The following OPA3 variants were observed in gnomAD, a reference collection of about 807,000 sequenced individuals.
OPA3 encodes outer mitochondrial membrane lipid metabolism regulator OPA3.
OPA3 carries 6 observed loss-of-function variants against 4.0 expected under a neutral mutation model. That is an observed-to-expected ratio of 1.51 (90% CI 0.83 to 2.99). The LOEUF (loss-of-function observed/expected upper bound fraction) is 2.99, where lower values mean the gene tolerates loss of function less well. Among genes scored for constraint, OPA3 ranks in the 30% most tolerant of loss-of-function variants. The pLI is 0.00. For missense variants in OPA3, 235 were observed against 256.2 expected (o/e 0.92, Z 0.56); for synonymous variants, 105 against 117.1 (o/e 0.90, Z 0.67).
At chr19:45,562,084 C>T (rs1163328140) in intron 1 of OPA3, among the ~76,000 whole-genome samples, 2 of 151,800 alleles carry the variant, frequency 1.3e-5, no homozygotes, top group East Asian at 1.9e-4. Flanking sequence ...TTATGGCTCA[C>T]GCCTATAATA....
chr19:45,550,419 GA>G lies in OPA3; in HGVS notation c.*3094del. 3 of 985,834 alleles carry G rather than the reference GA, an allele frequency of 3.0e-6. No homozygotes were observed. The highest frequency in any genetic ancestry group is 3.6e-6 in the Non-Finnish European group (3 of 830,312). 61.1% of individuals were successfully genotyped at this position (985,834 alleles called of 1,614,324 possible). A position where few individuals can be genotyped will look rare whatever the true frequency, so the allele number is the denominator to read the frequency against. On this transcript the variant is annotated 3_prime_UTR_variant, in exon 2 of 2. Coordinates refer to ENST00000263275, the MANE Select transcript of OPA3 (RefSeq NM_025136.4). Reference sequence around the variant, plus strand: ...TGGGGCTGCTCTGAGAGGGGATAGAGAGGGTCTCCCACTATCAACGCCACCT... The same window carrying G: ...TGGGGCTGCTCTGAGAGGGGATAGAGGGGTCTCCCACTATCAACGCCACCT...
At chr19:45,533,110 C>T (rs1040570629) in intron 1 of OPA3, among the ~76,000 whole-genome samples, 2 of 151,152 alleles carry the variant, frequency 1.3e-5, no homozygotes, top group Non-Finnish European at 2.9e-5. Flanking sequence ...AGGCTGGTCT[C>T]GAACTCCCAA....
intron 1 of OPA3, among the ~76,000 whole-genome samples, chr19:45,537,894 T>G (rs1049566083): frequency 2.6e-5 from 4 of 152,150 alleles, no homozygotes; most frequent in Admixed American, 1.3e-4. Flanking sequence ...TTCATTATAT[T>G]GTTTTCTGTA....
intron 1 of OPA3, among the ~76,000 whole-genome samples, chr19:45,578,788 T>C (rs531027171): frequency 2.6e-5 from 4 of 152,134 alleles, no homozygotes; most frequent in East Asian, 3.9e-4. Flanking sequence ...GATCACACCA[T>C]TGCACTCCAG....
chr19:45,549,799 C>T lies in OPA3; in HGVS notation c.*3715G>A. 1 of 985,434 alleles carries T rather than the reference C, an allele frequency of 1.0e-6. No individual in the cohort carries two copies. Among genetic ancestry groups the T allele is most frequent in the Non-Finnish European group, 1.2e-6 (1 of 830,034 alleles). The allele number at this position is 985,434 out of a possible 1,614,324, so 61.0% of individuals were successfully genotyped here. On this transcript the variant is annotated 3_prime_UTR_variant, in exon 2 of 2. Coordinates refer to ENST00000263275, the MANE Select transcript of OPA3 (RefSeq NM_025136.4). ...GTCACTCCCAGTTTTAAACACAGCC[C>T]ACTCAGGACCCACTCGGTCAGTTCC...
intron 1 of OPA3, among the ~76,000 whole-genome samples, chr19:45,575,332 C>G (rs139210821): frequency 0.014 from 2,182 of 152,134 alleles, 63 homozygotes; most frequent in African/African-American, 0.049. Flanking sequence ...CTGAAGTGAT[C>G]CACCCACCTC....
chr19:45,573,194 A>G (rs1187477108), intron 1 of OPA3, among the ~76,000 whole-genome samples: 1 of 151,880 alleles, frequency 6.6e-6, no homozygotes, highest in Non-Finnish European at 1.5e-5. Flanking sequence ...TGCCTGCCCA[A>G]TTCCCCCACA....
chr19:45,557,617 C>T (rs1382006599), intron 1 of OPA3, among the ~76,000 whole-genome samples: 2 of 152,160 alleles, frequency 1.3e-5, no homozygotes, highest in Non-Finnish European at 2.9e-5. Context: ...AGCTGCGTGT[C>T]GGGTCCATTC....
At chr19:45,542,242 C>A (rs1258118030), downstream of OPA3, among the ~76,000 whole-genome samples, 1 of 146,450 alleles carries the variant, frequency 6.8e-6, no homozygotes, top group Non-Finnish European at 1.5e-5. Context: ...AGAGCTGCAA[C>A]AGCCTGAGTC....
chr19:45,549,651 TG>T lies in OPA3; in HGVS notation c.*3862del. Reference sequence around the variant, plus strand: ...TGTGCCAACATGCCCGGCTAATTTTTGTATTTTTAGTAGAGACGGGGTTTTG... The same window carrying T: ...TGTGCCAACATGCCCGGCTAATTTTTTATTTTTAGTAGAGACGGGGTTTTG... On this transcript the variant is annotated 3_prime_UTR_variant, in exon 2 of 2. Coordinates refer to ENST00000263275, the MANE Select transcript of OPA3 (RefSeq NM_025136.4). 2.4e-6 allele frequency: 2 copies of T among 833,664 alleles called. No homozygotes were observed. 51.6% of individuals were successfully genotyped at this position (833,664 alleles called of 1,614,324 possible).
intron 1 of OPA3, among the ~76,000 whole-genome samples, chr19:45,555,682 G>A (rs1287919870): frequency 6.6e-6 from 1 of 152,034 alleles, no homozygotes; most frequent in East Asian, 1.9e-4. Context: ...TAGTAGAGAT[G>A]GGGTTTCACC....
intron 1 of OPA3, among the ~76,000 whole-genome samples, chr19:45,558,821 C>T (rs1969460020): frequency 1.3e-5 from 2 of 151,372 alleles, no homozygotes; most frequent in Admixed American, 6.6e-5. Flanking sequence ...GCCATGGAAA[C>T]ACTCTCCAGT....
At chr19:45,582,801 GT>G (rs1414966527) in intron 1 of OPA3, among the ~76,000 whole-genome samples, 1 of 152,122 alleles carries the variant, frequency 6.6e-6, no homozygotes, top group East Asian at 1.9e-4. Flanking sequence ...TCAGAATCTT[GT>G]ACCCTCCAGC....
downstream of OPA3, among the ~76,000 whole-genome samples, chr19:45,543,587 G>A (rs1221298721): frequency 6.6e-6 from 1 of 152,118 alleles, no homozygotes; most frequent in Non-Finnish European, 1.5e-5. Context: ...AAAGTACTGG[G>A]ATTACAGGCG....
At chr19:45,580,959 G>T (rs1337435706) in intron 1 of OPA3, among the ~76,000 whole-genome samples, 1 of 152,142 alleles carries the variant, frequency 6.6e-6, no homozygotes, top group Non-Finnish European at 1.5e-5. Flanking sequence ...ATGTCACAGT[G>T]TTTGGAAGAC....
chr19:45,543,376 A>G (rs1969209113), downstream of OPA3, among the ~76,000 whole-genome samples: 1 of 151,146 alleles, frequency 6.6e-6, no homozygotes, highest in Admixed American at 6.6e-5. Flanking sequence ...GCTGGAGTGC[A>G]GTGACGTGAT....
chr19:45,576,541 C>CAA (rs1555735864), intron 1 of OPA3, among the ~76,000 whole-genome samples: 4 of 124,288 alleles, frequency 3.2e-5, no homozygotes, highest in African/African-American at 1.5e-4. Context: ...TCCATCCCCC[C>CAA]CCCCCCAAAA....
chr19:45,555,981 T>C (rs1028922870), intron 1 of OPA3, among the ~76,000 whole-genome samples: 2 of 152,080 alleles, frequency 1.3e-5, no homozygotes, highest in Non-Finnish European at 2.9e-5. Context: ...AAATCATTAT[T>C]GTATGCGAAC....
Position 45,571,393 on chromosome 19 carries a change from C to A in OPA3, c.142+13230G>T, listed in dbSNP as rs144023238. ...AACTCCCCGCCTCAGGGGATCCACC[C>A]GCCTTGGACTCGCAAAGTGCTGGGA... On this transcript the variant is annotated intron_variant, in intron 1 of 1. Coordinates refer to ENST00000263275, the MANE Select transcript of OPA3 (RefSeq NM_025136.4). Among the ~76,000 whole-genome samples, 9 of 152,236 alleles carry A rather than the reference C, an allele frequency of 5.9e-5. No individual in the cohort carries two copies. In the South Asian group the frequency reaches 1.9e-3, roughly 32 times the overall value.
Sources: gnomAD v4.1 joint callset for allele counts (sites outside exome capture counted in the v4.1 genomes callset) on GRCh38, gnomAD v4.1.1 for gene constraint, MANE v1.5 for transcripts, NCBI Gene and HGNC (gene_info 2026-07-23, HGNC 2026-07-21) for gene names.